RBFOX1: variants seen among roughly 807,000 people sequenced by gnomAD.
The protein encoded by RBFOX1 is RNA binding protein fox-1 homolog 1.
RBFOX1 carries 8 observed loss-of-function variants against 57.7 expected under a neutral mutation model. The observed-to-expected ratio is 0.14, with a 90% CI of 0.08 to 0.25. RBFOX1 has a LOEUF of 0.25. RBFOX1 is among the 10% of genes least tolerant of loss of function. The probability of loss-of-function intolerance (pLI) is 1.00; values close to 1 mark genes in which losing one functional copy is unlikely to be tolerated. For synonymous variants in RBFOX1, 326 were observed against 222.4 expected (o/e 1.47, Z -4.15); for missense variants, 611 against 548.5 (o/e 1.11, Z -1.14).
chr16:7,107,450 C>G (rs1333757678), intron 4 of RBFOX1, among the ~76,000 whole-genome samples: 1 of 152,126 alleles, frequency 6.6e-6, no homozygotes, highest in African/African-American at 2.4e-5. Flanking sequence ...TCTCCTTACT[C>G]AGGAGGCTTT....
chr16:6,043,369 T>C (rs2095461879), intron 1 of RBFOX1, among the ~76,000 whole-genome samples: 1 of 152,142 alleles, frequency 6.6e-6, no homozygotes, highest in South Asian at 2.1e-4. Context: ...TGCAGGGTCA[T>C]TTCAAAATAT....
chr16:5,404,550 G>T (rs1475249851), intron 1 of RBFOX1, among the ~76,000 whole-genome samples: 3 of 152,184 alleles, frequency 2.0e-5, no homozygotes, highest in Non-Finnish European at 4.4e-5. Flanking sequence ...TGAGGACAGA[G>T]GATAGCTGTA....
chr16:7,699,423 C>G (rs752143821), intron 14 of RBFOX1, among the ~76,000 whole-genome samples: 71 of 152,270 alleles, frequency 4.7e-4, no homozygotes, highest in Admixed American at 8.5e-4. Flanking sequence ...AACTCCTGGC[C>G]TCAAGCCATC....
intron 1 of RBFOX1, among the ~76,000 whole-genome samples, chr16:5,405,486 A>G (rs1045508844): frequency 2.6e-5 from 4 of 152,198 alleles, no homozygotes; most frequent in Admixed American, 2.0e-4. Context: ...GCCATGTGGA[A>G]CTGTGAGTCC....
At chr16:7,038,715 T>C (rs2045266604) in intron 3 of RBFOX1, among the ~76,000 whole-genome samples, 1 of 152,138 alleles carries the variant, frequency 6.6e-6, no homozygotes. Flanking sequence ...CCGAAGGGGA[T>C]ATTGGCCACG....
intron 1 of RBFOX1, among the ~76,000 whole-genome samples, chr16:6,171,555 G>A (rs1381683386): frequency 1.3e-5 from 2 of 152,140 alleles, no homozygotes; most frequent in African/African-American, 2.4e-5. Context: ...ATTTGGAGTG[G>A]TTCTGCAAAT....
intron 3 of RBFOX1, among the ~76,000 whole-genome samples, chr16:6,905,102 T>TA (rs974440013): frequency 2.6e-5 from 4 of 152,136 alleles, no homozygotes; most frequent in South Asian, 2.1e-4. Context: ...TCAGTGTTGT[T>TA]AAAAAATCCA....
chr16:5,353,552 A>G (rs2065312185), intron 1 of RBFOX1, among the ~76,000 whole-genome samples: 1 of 152,050 alleles, frequency 6.6e-6, no homozygotes, highest in African/African-American at 2.4e-5. Flanking sequence ...ACAGCCTAGT[A>G]GATTCTGGTG....
At position 6,388,926 on chromosome 16, in the gene RBFOX1, C is replaced by G. The variant is rs562930453; in HGVS notation, c.-64+71869C>G. 7.2e-5 allele frequency among the ~76,000 whole-genome samples: 11 copies of G among 152,248 alleles called. No individual in the cohort carries two copies. The East Asian group carries it at 1.9e-3, about 27-fold the overall frequency. On this transcript the variant is annotated intron_variant, in intron 2 of 15. Transcript: ENST00000550418. Reference sequence around the variant, plus strand: ...TAGAATGGCGGTTTCCAGGGGCTGACAGGTGGAGATGGAGAGTTCAGGAGA... The same window carrying G: ...TAGAATGGCGGTTTCCAGGGGCTGAGAGGTGGAGATGGAGAGTTCAGGAGA...
At chr16:6,777,680 C>T (rs569088321) in intron 3 of RBFOX1, among the ~76,000 whole-genome samples, 2 of 152,140 alleles carry the variant, frequency 1.3e-5, no homozygotes, top group East Asian at 1.9e-4. Context: ...AATCTGTAGA[C>T]CTTGATGTTT....
At chr16:7,396,489 A>G (rs893144501) in intron 4 of RBFOX1, among the ~76,000 whole-genome samples, 3 of 152,114 alleles carry the variant, frequency 2.0e-5, no homozygotes, top group African/African-American at 4.8e-5. Flanking sequence ...ACACGTCCTG[A>G]TTCATAAGTG....
intron 1 of RBFOX1, among the ~76,000 whole-genome samples, chr16:6,186,072 G>T (rs1033076228): frequency 6.6e-6 from 1 of 152,110 alleles, no homozygotes; most frequent in African/African-American, 2.4e-5. Context: ...TTGTCCAGAG[G>T]ATTTGAAAAA....
At chr16:5,413,762 A>G (rs1332617523) in intron 1 of RBFOX1, among the ~76,000 whole-genome samples, 1 of 152,208 alleles carries the variant, frequency 6.6e-6, no homozygotes, top group Non-Finnish European at 1.5e-5. Context: ...TAGTAGGTGC[A>G]GAATTACGAA....
chr16:6,704,181 G>A (rs1401479943), intron 3 of RBFOX1: 2 of 152,220 alleles, frequency 1.3e-5, no homozygotes, highest in African/African-American at 4.8e-5. Flanking sequence ...CATGTTGTGT[G>A]TAAGGAAATG....
At chr16:5,709,635 G>A (rs2051377924) in intron 3 of RBFOX1, among the ~76,000 whole-genome samples, 1 of 150,386 alleles carries the variant, frequency 6.6e-6, no homozygotes, top group African/African-American at 2.5e-5. Flanking sequence ...TCAGGCACTT[G>A]TCTTGCTGCA....
At chr16:7,185,284 T>A (rs2083488498) in intron 4 of RBFOX1, among the ~76,000 whole-genome samples, 1 of 152,190 alleles carries the variant, frequency 6.6e-6, no homozygotes, top group Non-Finnish European at 1.5e-5. Context: ...TGCACGTATT[T>A]TTTTTTCCCT....
rs544061090 is a variant in RBFOX1 at position 5,830,312 on chromosome 16, A to G, written c.319-36991A>G. On this transcript the variant is annotated intron_variant, in intron 3 of 19. Transcript: ENST00000641259. ...GAATCATTTTAGCCCAGCATAGGCAATCCAATTGTCTAACAGGCCTTCTGG... is the reference window on the plus strand; with the variant it reads ...GAATCATTTTAGCCCAGCATAGGCAGTCCAATTGTCTAACAGGCCTTCTGG... Among the ~76,000 whole-genome samples the G allele has an allele frequency of 7.9e-5, 12 of 152,044 alleles. No individual in the cohort carries two copies. In the East Asian group the frequency reaches 1.4e-3, roughly 17 times the overall value.
intron 4 of RBFOX1, among the ~76,000 whole-genome samples, chr16:7,088,160 C>T (rs769507595): frequency 1.3e-5 from 2 of 152,042 alleles, no homozygotes; most frequent in East Asian, 1.9e-4. Context: ...GGGGGATGTA[C>T]GGTTTTCTGT....
intron 3 of RBFOX1, among the ~76,000 whole-genome samples, chr16:5,694,633 G>T (rs138211094): frequency 1.3e-5 from 2 of 152,080 alleles, no homozygotes; most frequent in East Asian, 1.9e-4. Flanking sequence ...GCCTGATGCA[G>T]TCCTTCCTGA....
Sources: allele counts gnomAD v4.1 joint callset (sites outside exome capture counted in the v4.1 genomes callset), GRCh38; gene constraint gnomAD v4.1.1; transcripts MANE v1.5; gene names NCBI Gene and HGNC (gene_info 2026-07-23, HGNC 2026-07-21).